SYNCRIP: variants seen among roughly 807,000 people sequenced by gnomAD.
The protein encoded by SYNCRIP is heterogeneous nuclear ribonucleoprotein Q.
Under a neutral mutation model 68.9 loss-of-function variants are expected in SYNCRIP, and 9 were observed. The ratio of observed to expected loss-of-function variants is 0.13; its 90% CI spans 0.08 to 0.23. The LOEUF is 0.23. Among genes scored for constraint, SYNCRIP ranks in the 10% least tolerant of loss-of-function variants. The probability of loss-of-function intolerance (pLI) is 1.00; values close to 1 mark genes in which losing one functional copy is unlikely to be tolerated. For synonymous variants in SYNCRIP, 258 were observed against 254.0 expected (o/e 1.02, Z -0.15); for missense variants, 414 against 770.6 (o/e 0.54, Z 5.48).
intron 6 of SYNCRIP, among the ~76,000 whole-genome samples, chr6:85,631,476 G>C (rs1285727936): frequency 2.6e-5 from 4 of 152,158 alleles, no homozygotes; most frequent in African/African-American, 9.7e-5. Context: ...TTCAGCACAG[G>C]AATGCTGTGA....
At chr6:85,618,088 A>G (rs1035213524) in intron 10 of SYNCRIP, among the ~76,000 whole-genome samples, 9 of 152,210 alleles carry the variant, frequency 5.9e-5, no homozygotes, top group Non-Finnish European at 8.8e-5. Context: ...GGTGGCAATG[A>G]GCACTACTGG....
chr6:85,643,416 T>C (rs1809444901), upstream of SYNCRIP: 1 of 151,912 alleles, frequency 6.6e-6, no homozygotes, highest in Non-Finnish European at 1.5e-5. Flanking sequence ...CCCCTTGGGT[T>C]GGGGGTGGGG....
rs376539134 is a variant in SYNCRIP at position 85,637,185 on chromosome 6, T to C, written c.490-42A>G. ...AAGTAAAAACCATGGAGAATTGCTT[T>C]AGGAAACCAGATACCTGTGCTTTTA... On this transcript the variant is annotated intron_variant, in intron 5 of 10. Transcript: ENST00000369622. 4.4e-6 allele frequency: 7 copies of C among 1,606,908 alleles called. No homozygotes were observed. In the East Asian group the frequency reaches 6.7e-5, roughly 15 times the overall value.
chr6:85,632,854 G>C (rs1224472704), intron 6 of SYNCRIP, among the ~76,000 whole-genome samples: 1 of 152,182 alleles, frequency 6.6e-6, no homozygotes, highest in Non-Finnish European at 1.5e-5. Flanking sequence ...GGAGGATCAC[G>C]TAAGCCCGGG....
intron 8 of SYNCRIP, among the ~76,000 whole-genome samples, chr6:85,622,243 T>G (rs1322918135): frequency 6.6e-6 from 1 of 151,920 alleles, no homozygotes; most frequent in African/African-American, 2.4e-5. Flanking sequence ...GGTGTGGTGG[T>G]GGGAGCCTGT....
chr6:85,623,293 G>A (rs150975969), intron 7 of SYNCRIP, among the ~76,000 whole-genome samples: 54 of 152,070 alleles, frequency 3.6e-4, no homozygotes, highest in African/African-American at 1.3e-3. Context: ...GCCAGGCACG[G>A]TGGCTCATAC....
chr6:85,632,197 C>G (rs1255132256), intron 6 of SYNCRIP, among the ~76,000 whole-genome samples: 3 of 152,158 alleles, frequency 2.0e-5, no homozygotes, highest in African/African-American at 7.2e-5. Flanking sequence ...ATTGCTGTAT[C>G]AGTATTAAAA....
intron 6 of SYNCRIP, among the ~76,000 whole-genome samples, chr6:85,630,362 A>AAAAC (rs764418447): frequency 3.3e-5 from 5 of 152,208 alleles, no homozygotes; most frequent in Admixed American, 2.0e-4. Flanking sequence ...CTCCATCTCA[A>AAAAC]AAACAAACAA....
At position 85,619,384 on chromosome 6, in the gene SYNCRIP, T is replaced by G; in HGVS notation, c.1042A>C (p.Thr348Pro). 1 of 1,613,850 alleles carries G rather than the reference T, an allele frequency of 6.2e-7. No individual in the cohort carries two copies. The change falls in exon 9 of 11, where the codon ACT (threonine) becomes CCT (proline). Residue 348 changes from threonine to proline, a missense_variant. Around this residue, in one of 6 missense-constraint regions of SYNCRIP, gnomAD observed 51 missense variants for 151.1 expected, o/e 0.34. Transcript: ENST00000369622. ...TTTTCTAAAATCTCTTCTGTTACAG[T>G]ATTGGCAAGGTTGCGTACAAACAGC... ...KVLFVRNLAN[T>P]VTEEILEKAF...
intron 6 of SYNCRIP, among the ~76,000 whole-genome samples, chr6:85,624,573 CA>C (rs1184853182): frequency 6.6e-6 from 1 of 152,156 alleles, no homozygotes; most frequent in Non-Finnish European, 1.5e-5. Flanking sequence ...CCTAAAAAAA[CA>C]GCTTTTATTT....
intron 2 of SYNCRIP, 138 bp downstream of exon 2, chr6:85,641,154 A>C: frequency 1.5e-6 from 1 of 677,000 alleles, no homozygotes; most frequent in Non-Finnish European, 2.5e-6. Flanking sequence ...CTTCAAACTT[A>C]AATTAACCAA....
chr6:85,624,090 G>A lies in SYNCRIP; in HGVS notation c.689C>T (p.Ser230Phe). ...GATGCAGACACCAATATGTTTTCCA[G>A]AACGAATTTCATGATTATTATACTG... ...VKLYNNHEIRSGKHIGVCISV... is the reference protein window; with the variant it reads ...VKLYNNHEIRFGKHIGVCISV... The change falls in exon 7 of 11, where the codon TCT (serine) becomes TTT (phenylalanine). Residue 230 changes from serine (S) to phenylalanine (F), a missense_variant. By Grantham distance (155) the Ser-to-Phe change is radical. Around this residue, in one of 6 missense-constraint regions of SYNCRIP, gnomAD observed 110 missense variants for 269.3 expected, o/e 0.41. Transcript: ENST00000369622. 1 of 1,613,670 alleles carries A rather than the reference G, an allele frequency of 6.2e-7. No individual in the cohort carries two copies. The highest frequency in any genetic ancestry group is 1.1e-5 in the South Asian group (1 of 91,032).
intron 4 of SYNCRIP, among the ~76,000 whole-genome samples, chr6:85,638,819 T>C (rs1413931677): frequency 2.6e-5 from 4 of 152,224 alleles, no homozygotes; most frequent in East Asian, 1.9e-4. Context: ...TAACACTTTT[T>C]GTCAATCCAT....
At chr6:85,619,226 T>C (rs200594906) in intron 9 of SYNCRIP, 42 bp downstream of exon 9, 612 of 1,596,838 alleles carry the variant, frequency 3.8e-4, no homozygotes, top group Non-Finnish European at 4.8e-4. Flanking sequence ...ATGACTAAAT[T>C]TGTTAGTCTG....
At chr6:85,624,185 C>T in intron 6 of SYNCRIP, 73 bp from the exon 7 acceptor site, 1 of 1,436,340 alleles carries the variant, frequency 7.0e-7, no homozygotes, top group Non-Finnish European at 9.6e-7. Context: ...AAAAGATACA[C>T]AAGAGCAAAT....
intron 8 of SYNCRIP, among the ~76,000 whole-genome samples, chr6:85,620,562 T>C (rs965229629): frequency 3.9e-5 from 6 of 152,214 alleles, no homozygotes; most frequent in African/African-American, 1.4e-4. Context: ...AACTATTCTG[T>C]ATAATACTAT....
At chr6:85,620,323 C>T (rs1197334849) in intron 8 of SYNCRIP, among the ~76,000 whole-genome samples, 2 of 152,134 alleles carry the variant, frequency 1.3e-5, no homozygotes, top group Non-Finnish European at 1.5e-5. Context: ...AATTGTGGCA[C>T]ATACAGAAGG....
chr6:85,616,802 T>C (rs991887332), intron 10 of SYNCRIP, among the ~76,000 whole-genome samples: 2 of 152,158 alleles, frequency 1.3e-5, no homozygotes, highest in African/African-American at 4.8e-5. Flanking sequence ...TTCTAAATAG[T>C]TCTCACCAGG....
At chr6:85,639,694 A>C (rs1468160125) in intron 4 of SYNCRIP, among the ~76,000 whole-genome samples, 1 of 152,184 alleles carries the variant, frequency 6.6e-6, no homozygotes, top group African/African-American at 2.4e-5. Flanking sequence ...GCCATTCACC[A>C]TGATTTTAAA....
Sources: allele counts gnomAD v4.1 joint callset (sites outside exome capture counted in the v4.1 genomes callset), GRCh38; gene constraint gnomAD v4.1.1; regional missense constraint gnomAD v4.1.1; transcripts MANE v1.5; gene names NCBI Gene and HGNC (gene_info 2026-07-23, HGNC 2026-07-21).